Variants in PPARGC1A observed in about 807,000 individuals in gnomAD.
The protein encoded by PPARGC1A is PPARG coactivator 1 alpha, also known as peroxisome proliferator-activated receptor gamma coactivator 1-alpha.
In PPARGC1A, 25 loss-of-function variants were observed where a neutral mutation model predicts 88.7. The observed-to-expected ratio is 0.28, with a 90% confidence interval of 0.21 to 0.39. PPARGC1A has a LOEUF of 0.39. Ranked by LOEUF, PPARGC1A falls within the 10% of genes least tolerant of loss-of-function variation. The pLI is 1.00. For synonymous variants in PPARGC1A, 363 were observed against 355.6 expected (o/e 1.02, Z -0.24); for missense variants, 880 against 968.7 (o/e 0.91, Z 1.22).
At chr4:24,045,561 C>T in the PPARGC1A span, among the ~76,000 whole-genome samples, 3 of 152,088 alleles carry the variant, frequency 2.0e-5, no homozygotes, top group Non-Finnish European at 4.4e-5. Flanking sequence ...ATCCTTGGTG[C>T]GCTACTTGGC....
chr4:24,028,314 A>G, the PPARGC1A span, among the ~76,000 whole-genome samples: 9 of 152,226 alleles, frequency 5.9e-5, no homozygotes, highest in Admixed American at 5.9e-4. Context: ...CAGTTGAGAC[A>G]CATTGACATG....
the PPARGC1A span, among the ~76,000 whole-genome samples, chr4:24,187,244 T>G: frequency 6.6e-6 from 1 of 152,158 alleles, no homozygotes; most frequent in African/African-American, 2.4e-5. Context: ...GAGCTGGCAT[T>G]TCTCTAAGTG....
At chr4:24,452,226 A>C in the PPARGC1A span, among the ~76,000 whole-genome samples, 1 of 151,804 alleles carries the variant, frequency 6.6e-6, no homozygotes, top group East Asian at 1.9e-4. Context: ...CCTTAAAATA[A>C]ATCATCTCTC....
the PPARGC1A span, among the ~76,000 whole-genome samples, chr4:24,316,298 G>A: frequency 6.6e-6 from 1 of 152,202 alleles, no homozygotes; most frequent in East Asian, 1.9e-4. Flanking sequence ...CAAATGACTA[G>A]CCACAGCTCA....
chr4:23,919,962 C>T, the PPARGC1A span, among the ~76,000 whole-genome samples: 1 of 152,050 alleles, frequency 6.6e-6, no homozygotes, highest in Non-Finnish European at 1.5e-5. Context: ...GATAATGGGA[C>T]AAGGGAAGCA....
the PPARGC1A span, among the ~76,000 whole-genome samples, chr4:24,188,769 A>G: frequency 2.6e-5 from 4 of 152,254 alleles, no homozygotes; most frequent in East Asian, 7.7e-4. Context: ...TAGAACTGCC[A>G]TATGATCTAG....
the PPARGC1A span, among the ~76,000 whole-genome samples, chr4:24,270,596 AT>A: frequency 6.6e-6 from 1 of 152,154 alleles, no homozygotes; most frequent in African/African-American, 2.4e-5. Context: ...ATAGAAAAAA[AT>A]CTCTTTAATT....
chr4:23,813,096 T>C lies in PPARGC1A; in HGVS notation c.1823A>G (p.Tyr608Cys), dbSNP rs1447136479. ...AGAATTTCGGTGCGTGCGGTGTCTGTAGTGGCTTGACTCATAGTAATAGCA... is the reference window on the plus strand; with the variant it reads ...AGAATTTCGGTGCGTGCGGTGTCTGCAGTGGCTTGACTCATAGTAATAGCA... Reference protein sequence around the residue: ...RSCYYYESSHYRHRTHRNSPL... With the variant: ...RSCYYYESSHCRHRTHRNSPL... The change falls in exon 9 of 13, where the codon TAC (tyrosine) becomes TGC (cysteine). Residue 608 changes from tyrosine to cysteine, a missense_variant. Coordinates refer to ENST00000264867, the MANE Select transcript of PPARGC1A (RefSeq NM_013261.5). 1.2e-6 allele frequency: 2 copies of C among 1,613,936 alleles called. No homozygotes were observed. The highest frequency in any genetic ancestry group is 2.2e-5 in the East Asian group (1 of 44,884).
Position 23,866,202 on chromosome 4 carries a change from T to C in PPARGC1A, c.234+18550A>G, listed in dbSNP as rs986157397. 4.6e-5 allele frequency: 7 copies of C among 151,630 alleles called. No homozygotes were observed. In the East Asian group the frequency reaches 7.8e-4, roughly 17 times the overall value. The allele number at this position is 151,630 out of a possible 1,614,324, so 9.4% of individuals were successfully genotyped here. A position where few individuals can be genotyped will look rare whatever the true frequency, so the allele number is the denominator to read the frequency against. Reference sequence around the variant, plus strand: ...CTGCAAAGTCACTGAGGAGAAAGCTTTAAGAAAACTTTCATTTGCTATGGT... The same window carrying C: ...CTGCAAAGTCACTGAGGAGAAAGCTCTAAGAAAACTTTCATTTGCTATGGT... On this transcript the variant is annotated intron_variant, in intron 2 of 12. Coordinates refer to ENST00000264867, the MANE Select transcript of PPARGC1A (RefSeq NM_013261.5).
chr4:24,358,542 A>G, the PPARGC1A span, among the ~76,000 whole-genome samples: 3 of 152,228 alleles, frequency 2.0e-5, no homozygotes, highest in Admixed American at 2.0e-4. Context: ...TGTCCTCAGT[A>G]TCACTTCTAC....
the PPARGC1A span, among the ~76,000 whole-genome samples, chr4:23,960,011 A>G: frequency 1.3e-5 from 2 of 152,142 alleles, no homozygotes; most frequent in African/African-American, 4.8e-5. Context: ...AGGCCAGACT[A>G]ATGAGCTAAT....
chr4:24,163,346 G>A, the PPARGC1A span, among the ~76,000 whole-genome samples: 1 of 151,814 alleles, frequency 6.6e-6, no homozygotes, highest in African/African-American at 2.4e-5. Flanking sequence ...TCGTACCACT[G>A]CTGAATGTCT....
At chr4:24,119,230 C>G in the PPARGC1A span, among the ~76,000 whole-genome samples, 2 of 152,166 alleles carry the variant, frequency 1.3e-5, no homozygotes, top group South Asian at 2.1e-4. Context: ...ATGCTGCCCC[C>G]ACCTTTGGAT....
In PPARGC1A at chr4:23,820,542, A is replaced by G. The variant is rs1422911392; in HGVS notation, c.877+3738T>C. ...AGTGTAGCACTCTGAAAATCTCCATATGCAATAGATTTAAATGCCTTCTGC... is the reference window on the plus strand; with the variant it reads ...AGTGTAGCACTCTGAAAATCTCCATGTGCAATAGATTTAAATGCCTTCTGC... On this transcript the variant is annotated intron_variant, in intron 7 of 12. Coordinates refer to ENST00000264867, the MANE Select transcript of PPARGC1A (RefSeq NM_013261.5). 10 of 369,208 alleles carry G rather than the reference A, an allele frequency of 2.7e-5. No homozygotes were observed. In the Admixed American group the frequency reaches 2.8e-4, roughly 10 times the overall value. The allele number at this position is 369,208 out of a possible 1,614,324, so 22.9% of individuals were successfully genotyped here. A position where few individuals can be genotyped will look rare whatever the true frequency, so the allele number is the denominator to read the frequency against.
At chr4:24,399,851 C>T in the PPARGC1A span, among the ~76,000 whole-genome samples, 1 of 151,074 alleles carries the variant, frequency 6.6e-6, no homozygotes, top group Non-Finnish European at 1.5e-5. Context: ...TGCAGTGGCA[C>T]GATCTTGGCT....
the PPARGC1A span, among the ~76,000 whole-genome samples, chr4:24,186,655 G>A: frequency 6.1e-4 from 93 of 152,092 alleles, no homozygotes; most frequent in African/African-American, 2.2e-3. Context: ...CTATTATGGC[G>A]CAATAGTCTC....
At chr4:23,853,383 C>T (rs1020898165) in intron 2 of PPARGC1A, among the ~76,000 whole-genome samples, 2 of 152,098 alleles carry the variant, frequency 1.3e-5, no homozygotes, top group Non-Finnish European at 2.9e-5. Context: ...AGGACTATTA[C>T]TTGTTAAAGA....
the PPARGC1A span, among the ~76,000 whole-genome samples, chr4:24,010,853 A>G: frequency 6.6e-6 from 1 of 152,164 alleles, no homozygotes; most frequent in Non-Finnish European, 1.5e-5. Flanking sequence ...GACACACTCC[A>G]GGTTGGGGAA....
the PPARGC1A span, among the ~76,000 whole-genome samples, chr4:24,386,369 A>G: frequency 6.6e-6 from 1 of 152,206 alleles, no homozygotes; most frequent in African/African-American, 2.4e-5. Context: ...CTTATTCAAC[A>G]TAGTATTCGA....
Sources: gnomAD v4.1 joint callset for allele counts (sites outside exome capture counted in the v4.1 genomes callset) on GRCh38, gnomAD v4.1.1 for gene constraint, MANE v1.5 for transcripts, NCBI Gene and HGNC (gene_info 2026-07-23, HGNC 2026-07-21) for gene names.